The following SNAP47 variants were observed in gnomAD, a reference collection of about 807,000 sequenced individuals.
SNAP47 encodes the protein synaptosomal-associated protein 47.
Under a neutral mutation model 31.4 loss-of-function variants are expected in SNAP47, and 20 were observed. The observed-to-expected ratio is 0.64, with a 90% CI of 0.45 to 0.93. The LOEUF is 0.93. SNAP47 is among the 40% of genes least tolerant of loss of function. The pLI, the probability that SNAP47 is intolerant of heterozygous loss-of-function variation, is 0.00. For missense variants in SNAP47, 492 were observed against 528.5 expected, an observed-to-expected ratio of 0.93 and a Z score of 0.68; for synonymous variants, 194 against 213.4, an observed-to-expected ratio of 0.91 and a Z score of 0.79.
At chr1:227,731,861 TGGG>T, upstream of SNAP47, 1 of 156,032 alleles carries the variant, frequency 6.4e-6, no homozygotes, top group Non-Finnish European at 1.4e-5. Flanking sequence ...CCCTCCACTC[TGGG>T]TACCCAGAGG....
chr1:227,733,027 C>A (rs779120288), upstream of SNAP47: 6 of 1,613,314 alleles, frequency 3.7e-6, no homozygotes, highest in Admixed American at 3.3e-5. Flanking sequence ...ATGGTGTCAT[C>A]CTGGAAGGGG....
At chr1:227,780,468 G>T (rs1303422101) in intron 4 of SNAP47, 59 bp from the exon 5 acceptor site, 2 of 1,604,018 alleles carry the variant, frequency 1.2e-6, no homozygotes, top group Non-Finnish European at 1.7e-6. Flanking sequence ...GGGAGATGTT[G>T]TCTGTGCTAG....
At chr1:227,766,373 G>T (rs1663403023) in intron 3 of SNAP47, among the ~76,000 whole-genome samples, 1 of 152,264 alleles carries the variant, frequency 6.6e-6, no homozygotes, top group Non-Finnish European at 1.5e-5. Context: ...GCCTCTGCAG[G>T]AGGCACACTG....
At position 227,776,907 on chromosome 1, in the gene SNAP47, G is replaced by A. The variant is rs956227809; in HGVS notation, c.1114-3620G>A. On this transcript the variant is annotated intron_variant, in intron 4 of 4. Transcript: ENST00000617596. ...TAGTGAGACATTTTCAAATCAAAAA[G>A]TACAGCAGGAGCCAGCCTTTATTTT... 6 of 985,270 alleles carry A rather than the reference G, an allele frequency of 6.1e-6. No individual in the cohort carries two copies. In the African/African-American group the frequency reaches 1.0e-4, roughly 17 times the overall value. The allele number at this position is 985,270 out of a possible 1,614,324, so 61.0% of individuals were successfully genotyped here. A position where few individuals can be genotyped will look rare whatever the true frequency, so the allele number is the denominator to read the frequency against.
chr1:227,734,469 C>A, upstream of SNAP47: 1 of 524,106 alleles, frequency 1.9e-6, no homozygotes, highest in African/African-American at 1.9e-5. Context: ...CCATATTGAC[C>A]TCCCAAAGAA....
At chr1:227,757,529 G>A (rs957234429) in intron 2 of SNAP47, among the ~76,000 whole-genome samples, 1 of 152,214 alleles carries the variant, frequency 6.6e-6, no homozygotes, top group African/African-American at 2.4e-5. Flanking sequence ...ACATAATCTT[G>A]ACTAAGAATG....
At chr1:227,764,367 T>G (rs561788836) in intron 3 of SNAP47, among the ~76,000 whole-genome samples, 2 of 152,276 alleles carry the variant, frequency 1.3e-5, no homozygotes, top group South Asian at 4.1e-4. Context: ...TTAAGCAAAG[T>G]CCTATTTGTT....
chr1:227,750,016 C>G (rs143084967), intron 2 of SNAP47, among the ~76,000 whole-genome samples: 1 of 152,268 alleles, frequency 6.6e-6, no homozygotes, highest in Non-Finnish European at 1.5e-5. Context: ...CCTGGAATCC[C>G]GCCTTGGCAT....
chr1:227,765,117 C>G (rs538129170), intron 3 of SNAP47, among the ~76,000 whole-genome samples: 92 of 152,324 alleles, frequency 6.0e-4, no homozygotes, highest in South Asian at 1.5e-3. Flanking sequence ...GGAAAGCACA[C>G]AGTCCTTCAG....
Position 227,743,243 on chromosome 1 carries a change from C to T in SNAP47, c.-45-4449C>T, listed in dbSNP as rs118046047. Reference sequence around the variant, plus strand: ...AGGAAGGGCGGCTCTGGCCCACCCACGGATCTGCTTGGCCTTGGTGTGTGC... The same window carrying T: ...AGGAAGGGCGGCTCTGGCCCACCCATGGATCTGCTTGGCCTTGGTGTGTGC... On this transcript the variant is annotated intron_variant, in intron 1 of 4. Transcript: ENST00000617596. Among the ~76,000 whole-genome samples the T allele has an allele frequency of 4.6e-3, 695 of 152,310 alleles. 18 individuals carry two copies. The South Asian group carries it at 0.055, about 12-fold the overall frequency.
chr1:227,775,187 G>A (rs142988461), intron 4 of SNAP47, among the ~76,000 whole-genome samples: 42 of 152,360 alleles, frequency 2.8e-4, no homozygotes, highest in African/African-American at 9.9e-4. Context: ...GTGACAGATC[G>A]CAGCAGAGAG....
intron 3 of SNAP47, 76 bp from the exon 4 acceptor site, chr1:227,766,883 G>A (rs1015322278): frequency 5.7e-6 from 9 of 1,581,232 alleles, no homozygotes; most frequent in South Asian, 3.4e-5. Context: ...CAAAGACCAC[G>A]CTCTGCCATC....
chr1:227,761,136 T>G (rs1352608671), intron 3 of SNAP47, among the ~76,000 whole-genome samples: 1 of 152,256 alleles, frequency 6.6e-6, no homozygotes, highest in East Asian at 1.9e-4. Flanking sequence ...TTCAGGATTT[T>G]AAATGCCAGG....
At chr1:227,736,024 T>C (rs1349893103) in intron 1 of SNAP47, 2 of 147,150 alleles carry the variant, frequency 1.4e-5, no homozygotes, top group Non-Finnish European at 2.9e-5. Context: ...GAGGGGACAG[T>C]GGGGATTTGG....
intron 4 of SNAP47, among the ~76,000 whole-genome samples, chr1:227,779,681 C>G (rs1013303520): frequency 6.6e-6 from 1 of 152,202 alleles, no homozygotes. Flanking sequence ...GCTTCTAGAC[C>G]TAGGCTGAGT....
At chr1:227,764,214 G>T (rs1326321240) in intron 3 of SNAP47, among the ~76,000 whole-genome samples, 1 of 152,194 alleles carries the variant, frequency 6.6e-6, no homozygotes, top group Admixed American at 6.5e-5. Context: ...TGGAAGAAAT[G>T]TTAAAAAGAG....
Position 227,747,829 on chromosome 1 carries a change from G to A in SNAP47, c.93G>A (p.Ser31=), listed in dbSNP as rs140225131. Residue 31 remains serine, a synonymous_variant, in exon 2 of 5, where the codon TCG becomes TCA. Transcript: ENST00000617596. ...TTACTGGACAGCTGTCCTTAACATC[G>A]CTGTCGCTCAGGTTCATGACTGACA... ...RWVTGQLSLT[S]LSLRFMTDST... is the part of the protein sequence containing the mutation. The A allele has an allele frequency of 7.6e-4, 1,221 of 1,614,134 alleles. 1 individual carries two copies. Among genetic ancestry groups the A allele is most frequent in the Non-Finnish European group, 8.1e-4 (957 of 1,180,028 alleles).
upstream of SNAP47, chr1:227,735,252 G>T: frequency 6.2e-7 from 1 of 1,603,188 alleles, no homozygotes; most frequent in East Asian, 2.3e-5. Flanking sequence ...CTGTCGGCGA[G>T]GGCGCGCGTC....
At chr1:227,766,816 T>A in intron 3 of SNAP47, 143 bp from the exon 4 acceptor site, 2 of 1,224,612 alleles carry the variant, frequency 1.6e-6, no homozygotes, top group Non-Finnish European at 2.3e-6. Flanking sequence ...AAGGCAAGGC[T>A]CACAGAGGTC....
Sources: gnomAD v4.1 joint callset for allele counts (sites outside exome capture counted in the v4.1 genomes callset) on GRCh38, gnomAD v4.1.1 for gene constraint, MANE v1.5 for transcripts, NCBI Gene and HGNC (gene_info 2026-07-23, HGNC 2026-07-21) for gene names.